CLC: variants seen among roughly 807,000 people sequenced by gnomAD.
CLC encodes galectin-10.
In CLC, 15 loss-of-function variants were observed where a neutral mutation model predicts 13.9. The ratio of observed to expected loss-of-function variants is 1.08; its 90% CI spans 0.72 to 1.66. The LOEUF is 1.66. Among genes scored for constraint, CLC ranks in the 40% most tolerant of loss-of-function variants. The probability of loss-of-function intolerance (pLI) is 0.00; values close to 1 mark genes in which losing one functional copy is unlikely to be tolerated. For missense variants in CLC, 161 were observed against 169.1 expected, an observed-to-expected ratio of 0.95 and a Z score of 0.27; for synonymous variants, 68 against 59.9, an observed-to-expected ratio of 1.14 and a Z score of -0.63.
intron 3 of CLC, 60 bp from the exon 4 acceptor site, chr19:39,731,565 G>C: frequency 6.5e-7 from 1 of 1,538,972 alleles, no homozygotes; most frequent in Non-Finnish European, 8.8e-7. Context: ...CTTTCAGCCT[G>C]CTCTCTATGG....
At chr19:39,737,756 C>T (rs1568502106) in intron 1 of CLC, among the ~76,000 whole-genome samples, 182 bp downstream of exon 1, 1 of 152,036 alleles carries the variant, frequency 6.6e-6, no homozygotes, top group Admixed American at 6.6e-5. Flanking sequence ...GCATCCACAC[C>T]CCCTACCCCC....
intron 1 of CLC, among the ~76,000 whole-genome samples, chr19:39,736,421 T>G (rs1286067101): frequency 6.6e-6 from 1 of 152,106 alleles, no homozygotes; most frequent in Non-Finnish European, 1.5e-5. Flanking sequence ...ATGGATGGTA[T>G]TTTTCTTTTT....
chr19:39,737,357 C>G (rs963155585), intron 1 of CLC, among the ~76,000 whole-genome samples: 20 of 151,924 alleles, frequency 1.3e-4, no homozygotes, highest in African/African-American at 4.8e-4. Flanking sequence ...ACCGGGGATC[C>G]ACAGTGATGC....
chr19:39,731,824 C>T (rs1411963772), intron 3 of CLC, among the ~76,000 whole-genome samples: 1 of 152,146 alleles, frequency 6.6e-6, no homozygotes, highest in Non-Finnish European at 1.5e-5. Context: ...AACTTGAATC[C>T]CTGCATCTTG....
In CLC at chr19:39,735,763, G is replaced by A. The variant is rs181562736; in HGVS notation, c.16-690C>T. On this transcript the variant is annotated intron_variant, in intron 1 of 3. Coordinates refer to ENST00000221804, the MANE Select transcript of CLC (RefSeq NM_001828.6). Reference sequence around the variant, plus strand: ...AACCCTTTAGCCTAAACCCTGGCACGTATAGGGCCTGTTGGGGGTCCTCTA... The same window carrying A: ...AACCCTTTAGCCTAAACCCTGGCACATATAGGGCCTGTTGGGGGTCCTCTA... Among the ~76,000 whole-genome samples, 71 of 152,276 alleles carry A rather than the reference G, an allele frequency of 4.7e-4. No homozygotes were observed. The South Asian group carries it at 0.011, about 24-fold the overall frequency.
At chr19:39,734,219 A>G in intron 3 of CLC, 64 bp downstream of exon 3, 2 of 1,541,436 alleles carry the variant, frequency 1.3e-6, no homozygotes, top group South Asian at 1.1e-5. Flanking sequence ...TTAGGGCATG[A>G]AGAGCTGCCT....
At chr19:39,735,966 A>G (rs1967302498) in intron 1 of CLC, among the ~76,000 whole-genome samples, 1 of 152,230 alleles carries the variant, frequency 6.6e-6, no homozygotes, top group African/African-American at 2.4e-5. Context: ...ACATTTCTGT[A>G]TAGGATTTTC....
At chr19:39,732,567 G>C in intron 3 of CLC, among the ~76,000 whole-genome samples, 1 of 114,778 alleles carries the variant, frequency 8.7e-6, no homozygotes, top group East Asian at 2.1e-4. Context: ...CTTTATAGCA[G>C]CATGATTTAT....
rs192309364 is a variant in CLC, at chr19:39,736,534, G to T, written c.15+1404C>A. Among the ~76,000 whole-genome samples the T allele has an allele frequency of 7.0e-3, 1,062 of 152,268 alleles. 16 individuals carry two copies. The highest frequency in any genetic ancestry group is 0.023 in the African/African-American group (960 of 41,554). Reference sequence around the variant, plus strand: ...TCACGCCTGTAATCTCAGCACTTTGGGAGGCCAAGGTGGGTGCATCACTTG... The same window carrying T: ...TCACGCCTGTAATCTCAGCACTTTGTGAGGCCAAGGTGGGTGCATCACTTG... On this transcript the variant is annotated intron_variant, in intron 1 of 3. Coordinates refer to ENST00000221804, the MANE Select transcript of CLC (RefSeq NM_001828.6).
rs553790437 is a variant in CLC, at chr19:39,733,991, A to C, written c.303+292T>G. ...AAGTGAACCGACATTGACCCTGGTC[A>C]GGTATGGGAAAAGAGCTGAGGATGG... is the stretch of plus-strand genomic sequence containing the variant. On this transcript the variant is annotated intron_variant, in intron 3 of 3. Transcript: ENST00000221804. 466 of 985,250 alleles carry C rather than the reference A, an allele frequency of 4.7e-4. 1 individual carries two copies. Among genetic ancestry groups the C allele is most frequent in the Non-Finnish European group, 5.5e-4 (456 of 829,864 alleles). The allele number at this position is 985,250 out of a possible 1,614,324, so 61.0% of individuals were successfully genotyped here.
chr19:39,731,477 G>A lies in CLC; in HGVS notation c.332C>T (p.Thr111Ile), dbSNP rs1409244120. 1.2e-6 allele frequency: 2 copies of A among 1,612,542 alleles called. No homozygotes were observed. The highest frequency in any genetic ancestry group is 2.2e-5 in the East Asian group (1 of 44,802). The change falls in exon 4 of 4, where the codon ACC (threonine) becomes ATC (isoleucine). Residue 111 changes from threonine to isoleucine, a missense_variant. Coordinates refer to ENST00000221804, the MANE Select transcript of CLC (RefSeq NM_001828.6). ...QVMVNGQSSY[T>I]FDHRIKPEAV... ...CTCAGGCTTGATTCTATGGTCAAAGGTGTAAGAGGATTGGCCATTGACCAT... is the reference window on the plus strand; with the variant it reads ...CTCAGGCTTGATTCTATGGTCAAAGATGTAAGAGGATTGGCCATTGACCAT...
chr19:39,734,081 A>G lies in CLC; in HGVS notation c.303+202T>C, dbSNP rs1012255434. 4.7e-5 allele frequency: 46 copies of G among 985,130 alleles called. No individual in the cohort carries two copies. The African/African-American group carries it at 7.9e-4, about 17-fold the overall frequency. 61.0% of individuals were successfully genotyped at this position (985,130 alleles called of 1,614,324 possible). ...CTGTTGAATGAGAGAGGGAAATGAT[A>G]AAAGTAAAGGGAACCCCTGTGTGTG... On this transcript the variant is annotated intron_variant, in intron 3 of 3. Coordinates refer to ENST00000221804, the MANE Select transcript of CLC (RefSeq NM_001828.6).
At position 39,734,438 on chromosome 19, in the gene CLC, T is replaced by G; in HGVS notation, c.148A>C (p.Ile50Leu). The G allele has an allele frequency of 6.2e-7, 1 of 1,614,114 alleles. No individual in the cohort carries two copies. Among genetic ancestry groups the G allele is most frequent in the Non-Finnish European group, 8.5e-7 (1 of 1,179,992 alleles). ...FHTEMKEESD[I>L]VFHFQVCFGR... The stretch of plus-strand genomic sequence containing the variant: ...AAGCACACTTGGAAATGGAAGACAA[T>G]GTCTGATTCCTCCTTCATCTCAGTG... The change falls in exon 3 of 4, where the codon ATT (isoleucine) becomes CTT (leucine). Residue 50 changes from isoleucine to leucine, a missense_variant. Transcript: ENST00000221804.
At position 39,737,938 on chromosome 19, in the gene CLC, G is replaced by A. The variant is rs753930790; in HGVS notation, c.15C>T (p.Pro5=). The change falls in exon 1 of 4, where the codon CCC becomes CCT. Residue 5 remains proline, a splice_region_variant and synonymous_variant. Transcript: ENST00000221804. MSLL[P]VPYTEAASLS... ...TGAAGGCTGTGCCTTTTTAACTCAC[G>A]GGTAGCAGGGACATTGTTGTCTCCT... 1.1e-5 allele frequency: 17 copies of A among 1,612,208 alleles called. No homozygotes were observed. The highest frequency in any genetic ancestry group is 1.0e-4 in the Admixed American group (6 of 59,870).
chr19:39,736,140 T>A (rs1037791240), intron 1 of CLC, among the ~76,000 whole-genome samples: 1 of 151,856 alleles, frequency 6.6e-6, no homozygotes, highest in African/African-American at 2.4e-5. Context: ...GTACTCTGCA[T>A]CTTTTCTAAC....
At chr19:39,734,109 A>T in intron 3 of CLC, 174 bp downstream of exon 3, 1 of 978,998 alleles carries the variant, frequency 1.0e-6, no homozygotes. Context: ...TGTGTGTGTG[A>T]TAAAAAGCCT....
intron 3 of CLC, among the ~76,000 whole-genome samples, chr19:39,732,714 TC>T (rs1232352963): frequency 6.7e-6 from 1 of 149,858 alleles, no homozygotes; most frequent in African/African-American, 2.5e-5. Flanking sequence ...GTAAAAGTGT[TC>T]CTGTTTCTCC....
At chr19:39,735,452 T>C (rs1338886063) in intron 1 of CLC, among the ~76,000 whole-genome samples, 1 of 152,166 alleles carries the variant, frequency 6.6e-6, no homozygotes, top group African/African-American at 2.4e-5. Context: ...GTTTCTTGAG[T>C]AGCTGAGACT....
At chr19:39,731,665 G>A (rs905945343) in intron 3 of CLC, among the ~76,000 whole-genome samples, 160 bp from the exon 4 acceptor site, 1 of 152,140 alleles carries the variant, frequency 6.6e-6, no homozygotes, top group Non-Finnish European at 1.5e-5. Flanking sequence ...ACTACCTGTT[G>A]TAACTATCTG....
Sources: gnomAD v4.1 joint callset for allele counts (sites outside exome capture counted in the v4.1 genomes callset) on GRCh38, gnomAD v4.1.1 for gene constraint, MANE v1.5 for transcripts, NCBI Gene and HGNC (gene_info 2026-07-23, HGNC 2026-07-21) for gene names.